Variants in PCLO observed in about 807,000 individuals in gnomAD.
PCLO encodes the protein piccolo presynaptic cytomatrix protein, also known as protein piccolo.
Under a neutral mutation model 427.5 loss-of-function variants are expected in PCLO, and 82 were observed. That is an observed-to-expected ratio of 0.19 (90% CI 0.16 to 0.23). PCLO has a LOEUF of 0.23. Ranked by LOEUF, PCLO falls within the 10% of genes least tolerant of loss-of-function variation. The pLI, the probability that PCLO is intolerant of heterozygous loss-of-function variation, is 1.00. For synonymous variants in PCLO, 2,357 were observed against 2,155.4 expected, an observed-to-expected ratio of 1.09 and a Z score of -2.59; for missense variants, 6,239 against 6,115.9, an observed-to-expected ratio of 1.02 and a Z score of -0.67.
intron 10 of PCLO, among the ~76,000 whole-genome samples, chr7:82,869,724 G>C (rs1210314873): frequency 6.6e-6 from 1 of 151,876 alleles, no homozygotes. Context: ...AGATCAGTGT[G>C]AGTAATAATA....
At chr7:82,785,668 A>G (rs1294443032) in intron 22 of PCLO, among the ~76,000 whole-genome samples, 1 of 152,040 alleles carries the variant, frequency 6.6e-6, no homozygotes, top group African/African-American at 2.4e-5. Context: ...CCAGATGGAG[A>G]GCGCCCACAG....
intron 20 of PCLO, chr7:82,821,708 C>T (rs1791796493): frequency 1.0e-6 from 1 of 982,804 alleles, no homozygotes; most frequent in Admixed American, 6.2e-5. Context: ...ATCTTGATTT[C>T]CAATGGTTAG....
At chr7:83,161,856 G>C (rs1182048577) in intron 1 of PCLO, among the ~76,000 whole-genome samples, 1 of 152,184 alleles carries the variant, frequency 6.6e-6, no homozygotes, top group Non-Finnish European at 1.5e-5. Flanking sequence ...TCCTCTGGGG[G>C]TGGGGTGGCA....
At chr7:82,899,999 G>C (rs760937354) in intron 9 of PCLO, among the ~76,000 whole-genome samples, 12 of 151,550 alleles carry the variant, frequency 7.9e-5, no homozygotes, top group African/African-American at 1.7e-4. Context: ...TTATGAGCTG[G>C]AGGAAACTGA....
rs760367639 is a variant in PCLO at position 82,914,970 on chromosome 7, G to A, written c.13016C>T (p.Pro4339Leu). The A allele has an allele frequency of 3.1e-6, 5 of 1,613,650 alleles. No individual in the cohort carries two copies. Among genetic ancestry groups the A allele is most frequent in the Non-Finnish European group, 4.2e-6 (5 of 1,179,738 alleles). The change falls in exon 7 of 25, where the codon CCG (proline) becomes CTG (leucine). Residue 4339 changes from proline to leucine, a missense_variant. Coordinates refer to ENST00000333891, the MANE Select transcript of PCLO (RefSeq NM_033026.6). ...SHASSSARTK[P>L]TSLPISQSRG... ...ACTTTGACTAATTGGCAAACTGGTC[G>A]GCTTAGTTCTGGCAGAGGATGATGC...
At chr7:82,865,854 TCCTTGCTTCTACTCTTTA>T (rs1216592512) in intron 10 of PCLO, among the ~76,000 whole-genome samples, 3 of 152,176 alleles carry the variant, frequency 2.0e-5, no homozygotes, top group Admixed American at 6.5e-5. Flanking sequence ...TTACCAACTC[TCCTTGCTTCTACTCTTTA>T]CCTCTTTAAA....
intron 3 of PCLO, among the ~76,000 whole-genome samples, chr7:83,047,987 T>C (rs146290619): frequency 4.6e-5 from 7 of 152,132 alleles, no homozygotes; most frequent in Non-Finnish European, 1.0e-4. Context: ...GAGGACCAGA[T>C]AGAAGGTCCA....
chr7:82,908,234 C>T (rs1271424820), intron 8 of PCLO, among the ~76,000 whole-genome samples: 1 of 152,036 alleles, frequency 6.6e-6, no homozygotes, highest in East Asian at 1.9e-4. Context: ...CACCTCATTT[C>T]TCAAAAGTGA....
chr7:83,007,750 G>T (rs1055109396), intron 3 of PCLO, among the ~76,000 whole-genome samples: 17 of 151,634 alleles, frequency 1.1e-4, no homozygotes, highest in Middle Eastern at 3.4e-3. Flanking sequence ...TGAAATAATG[G>T]CAAGTTAGTT....
chr7:82,833,763 T>C (rs1562807998), intron 16 of PCLO, among the ~76,000 whole-genome samples: 1 of 152,160 alleles, frequency 6.6e-6, no homozygotes, highest in East Asian at 1.9e-4. Flanking sequence ...GCAATAATAA[T>C]AACAACTACT....
At chr7:83,056,565 G>A (rs1051263266) in intron 3 of PCLO, among the ~76,000 whole-genome samples, 3 of 152,158 alleles carry the variant, frequency 2.0e-5, no homozygotes, top group Non-Finnish European at 4.4e-5. Flanking sequence ...GATTTAACCA[G>A]AGAAAATATT....
chr7:83,067,338 C>T (rs879429434), intron 3 of PCLO, among the ~76,000 whole-genome samples: 6 of 152,084 alleles, frequency 3.9e-5, no homozygotes, highest in Non-Finnish European at 8.8e-5. Flanking sequence ...TTTGTCTTCC[C>T]ACTATTAATT....
intron 3 of PCLO, among the ~76,000 whole-genome samples, chr7:83,125,412 G>A (rs1364673657): frequency 2.0e-5 from 3 of 152,224 alleles, no homozygotes; most frequent in Non-Finnish European, 4.4e-5. Context: ...CATTGAGAAC[G>A]GGCCATGATG....
At chr7:82,974,854 T>C (rs1383095054) in intron 3 of PCLO, among the ~76,000 whole-genome samples, 3 of 151,956 alleles carry the variant, frequency 2.0e-5, no homozygotes, top group East Asian at 1.9e-4. Context: ...TCTGGGCTCA[T>C]TGCAAGCTCC....
chr7:82,935,699 A>T (rs57007798), intron 6 of PCLO, among the ~76,000 whole-genome samples: 6,091 of 151,734 alleles, frequency 0.04, 434 homozygotes, highest in African/African-American at 0.14. Flanking sequence ...CAGAGTACTA[A>T]ACACTATACG....
At chr7:83,006,419 T>TGAACAA (rs1787947570) in intron 3 of PCLO, among the ~76,000 whole-genome samples, 2 of 151,594 alleles carry the variant, frequency 1.3e-5, no homozygotes, top group African/African-American at 4.8e-5. Flanking sequence ...ATAATTTATT[T>TGAACAA]TTATGGATTT....
chr7:83,030,781 G>T (rs770521730), intron 3 of PCLO, among the ~76,000 whole-genome samples: 1 of 152,126 alleles, frequency 6.6e-6, no homozygotes, highest in Non-Finnish European at 1.5e-5. Context: ...TCAGCCCAAA[G>T]GTTTCTAGCC....
intron 10 of PCLO, among the ~76,000 whole-genome samples, chr7:82,861,301 G>T (rs1286924551): frequency 1.3e-5 from 2 of 151,850 alleles, no homozygotes; most frequent in African/African-American, 2.4e-5. Context: ...TGGGAACCTA[G>T]AAATTAATAA....
At chr7:83,109,599 T>C (rs1357662280) in intron 3 of PCLO, among the ~76,000 whole-genome samples, 4 of 152,194 alleles carry the variant, frequency 2.6e-5, no homozygotes, top group Non-Finnish European at 5.9e-5. Flanking sequence ...CATATGCTAC[T>C]TCTGTGACAT....
Sources: gnomAD v4.1 joint callset for allele counts (sites outside exome capture counted in the v4.1 genomes callset) on GRCh38, gnomAD v4.1.1 for gene constraint, MANE v1.5 for transcripts, NCBI Gene and HGNC (gene_info 2026-07-23, HGNC 2026-07-21) for gene names.